OPA3: variants seen among roughly 807,000 people sequenced by gnomAD.
The protein encoded by OPA3 is optic atrophy 3 protein.
In OPA3, 6 loss-of-function variants were observed where a neutral mutation model predicts 4.0. That is an observed-to-expected ratio of 1.51 (90% CI 0.83 to 2.99). The LOEUF (loss-of-function observed/expected upper bound fraction) is 2.99. Among genes scored for constraint, OPA3 ranks in the 30% most tolerant of loss-of-function variants. OPA3 has a pLI of 0.00. For synonymous variants in OPA3, 105 were observed against 117.1 expected, an observed-to-expected ratio of 0.90 and a Z score of 0.67; for missense variants, 235 against 256.2, an observed-to-expected ratio of 0.92 and a Z score of 0.56.
Position 45,552,136 on chromosome 19 carries a change from G to A in OPA3, c.*1378C>T, listed in dbSNP as rs901846007. ...GTGCCATAGACTCAAGGATGAGGGG[G>A]TTCTGTTGGAATAGTCCACTTCGGG... On this transcript the variant is annotated 3_prime_UTR_variant, in exon 2 of 2. Transcript: ENST00000263275. 1.0e-6 allele frequency: 1 copy of A among 985,420 alleles called. No homozygotes were observed. Among genetic ancestry groups the A allele is most frequent in the Non-Finnish European group, 1.2e-6 (1 of 829,964 alleles). The allele number at this position is 985,420 out of a possible 1,614,324, so 61.0% of individuals were successfully genotyped here.
At chr19:45,564,647 T>C (rs1032354452) in intron 1 of OPA3, among the ~76,000 whole-genome samples, 3 of 152,158 alleles carry the variant, frequency 2.0e-5, no homozygotes, top group Non-Finnish European at 1.5e-5. Flanking sequence ...AGCCTGGCCA[T>C]GAGGTGATGA....
Position 45,553,212 on chromosome 19 carries a change from G to A in OPA3, c.*302C>T, listed in dbSNP as rs886054540. ...ACACATTGATTCAGCTCAAGACCAG[G>A]TTCCATTTTTTCATTTGCCAGAGTG... On this transcript the variant is annotated 3_prime_UTR_variant, in exon 2 of 2. Transcript: ENST00000263275. The A allele has an allele frequency of 1.5e-6, 2 of 1,376,936 alleles. No homozygotes were observed. Among genetic ancestry groups the A allele is most frequent in the East Asian group, 5.8e-5 (2 of 34,702 alleles). 85.3% of individuals were successfully genotyped at this position (1,376,936 alleles called of 1,614,324 possible). A position where few individuals can be genotyped will look rare whatever the true frequency, so the allele number is the denominator to read the frequency against.
chr19:45,539,505 T>C (rs1969159134), intron 1 of OPA3, among the ~76,000 whole-genome samples: 1 of 152,164 alleles, frequency 6.6e-6, no homozygotes, highest in Non-Finnish European at 1.5e-5. Flanking sequence ...TTTGTAGAGA[T>C]GAGGTCTCAC....
At chr19:45,529,291 C>A in exon 2 of OPA3, 2 of 1,614,048 alleles carry the variant, frequency 1.2e-6, no homozygotes, top group South Asian at 1.1e-5. Context: ...CAACTGGTGG[C>A]GCCAATACTC....
chr19:45,582,459 T>C (rs1969870686), intron 1 of OPA3, among the ~76,000 whole-genome samples: 1 of 152,084 alleles, frequency 6.6e-6, no homozygotes, highest in African/African-American at 2.4e-5. Flanking sequence ...TGGGCCCAGC[T>C]GGAGCAGAGT....
intron 1 of OPA3, among the ~76,000 whole-genome samples, 196 bp from the exon 2 acceptor site, chr19:45,554,107 A>G (rs1354658612): frequency 6.6e-6 from 1 of 152,206 alleles, no homozygotes; most frequent in Non-Finnish European, 1.5e-5. Flanking sequence ...CCGCGCCCCA[A>G]GAGGGACACC....
chr19:45,569,495 C>T (rs926587628), intron 1 of OPA3, among the ~76,000 whole-genome samples: 2 of 152,014 alleles, frequency 1.3e-5, no homozygotes, highest in East Asian at 1.9e-4. Flanking sequence ...AACTTCAGTG[C>T]GTCTGATTAC....
intron 1 of OPA3, among the ~76,000 whole-genome samples, chr19:45,570,806 C>G (rs1388451030): frequency 1.3e-5 from 2 of 149,250 alleles, no homozygotes; most frequent in South Asian, 4.3e-4. Flanking sequence ...GAGGTTGTAG[C>G]GAGCCGAGAT....
intron 1 of OPA3, among the ~76,000 whole-genome samples, chr19:45,564,949 G>A (rs1001148343): frequency 2.6e-5 from 4 of 152,072 alleles, no homozygotes; most frequent in South Asian, 4.1e-4. Flanking sequence ...TTTCTCGGCC[G>A]GGCGTGGTGG....
At chr19:45,560,914 A>G (rs1238885161) in intron 1 of OPA3, among the ~76,000 whole-genome samples, 11 of 152,124 alleles carry the variant, frequency 7.2e-5, no homozygotes, top group Admixed American at 7.2e-4. Context: ...ACAGTTAACT[A>G]TTGTTCAAGA....
At chr19:45,544,736 G>A (rs1463851619), downstream of OPA3, among the ~76,000 whole-genome samples, 2 of 151,966 alleles carry the variant, frequency 1.3e-5, no homozygotes, top group African/African-American at 2.4e-5. Flanking sequence ...GGAGGTTGCA[G>A]TGAGCCGAGA....
At chr19:45,535,196 T>C (rs1969102482) in intron 1 of OPA3, among the ~76,000 whole-genome samples, 1 of 152,170 alleles carries the variant, frequency 6.6e-6, no homozygotes, top group African/African-American at 2.4e-5. Flanking sequence ...TTTTGTAGTT[T>C]ACAGAATAGA....
chr19:45,537,087 G>A (rs111365791), intron 1 of OPA3, among the ~76,000 whole-genome samples: 1,945 of 152,138 alleles, frequency 0.013, 41 homozygotes, highest in African/African-American at 0.045. Flanking sequence ...AAATTAGCCC[G>A]GTATGCTGGT....
intron 1 of OPA3, among the ~76,000 whole-genome samples, chr19:45,573,685 C>T (rs1294725645): frequency 6.6e-6 from 1 of 152,094 alleles, no homozygotes; most frequent in Non-Finnish European, 1.5e-5. Flanking sequence ...AAACAGTAAA[C>T]AGTAAACACT....
chr19:45,572,594 T>C (rs981528990), intron 1 of OPA3, among the ~76,000 whole-genome samples: 1 of 100,042 alleles, frequency 1.0e-5, no homozygotes, highest in African/African-American at 3.1e-5. Flanking sequence ...TAAATATATA[T>C]ATTGATATAT....
intron 1 of OPA3, among the ~76,000 whole-genome samples, chr19:45,557,208 A>G (rs1314932906): frequency 2.6e-5 from 4 of 152,086 alleles, no homozygotes; most frequent in African/African-American, 7.2e-5. Context: ...AGGTGTGCCA[A>G]TGGGAGTGGG....
chr19:45,554,653 C>A lies in OPA3; in HGVS notation c.143-742G>T, dbSNP rs186895302. 2.3e-3 allele frequency among the ~76,000 whole-genome samples: 345 copies of A among 152,312 alleles called. 10 individuals are homozygous for A. The highest frequency in any genetic ancestry group is 4.6e-4 in the Non-Finnish European group (31 of 68,030). On this transcript the variant is annotated intron_variant, in intron 1 of 1. Transcript: ENST00000263275. ...GATGCTGCATCCTGACTCACTCCTGCAACAATTAATATTCATCCAAGGGCA... is the reference window on the plus strand; with the variant it reads ...GATGCTGCATCCTGACTCACTCCTGAAACAATTAATATTCATCCAAGGGCA...
At chr19:45,570,978 T>TGG (rs66483717) in intron 1 of OPA3, among the ~76,000 whole-genome samples, 11,232 of 63,256 alleles carry the variant, frequency 0.18, 1,341 homozygotes, top group Non-Finnish European at 0.27. Context: ...CAAAACTATT[T>TGG]GGGGGGGGGG....
chr19:45,555,633 G>A (rs1336883796), intron 1 of OPA3, among the ~76,000 whole-genome samples: 2 of 152,104 alleles, frequency 1.3e-5, no homozygotes, highest in African/African-American at 4.8e-5. Context: ...TGGGACTACA[G>A]GCGCCCGCTA....
Sources: gnomAD v4.1 joint callset for allele counts (sites outside exome capture counted in the v4.1 genomes callset) on GRCh38, gnomAD v4.1.1 for gene constraint, MANE v1.5 for transcripts, NCBI Gene and HGNC (gene_info 2026-07-23, HGNC 2026-07-21) for gene names.